NRXN1: variants seen among roughly 807,000 people sequenced by gnomAD.
The protein encoded by NRXN1 is neurexin 1, also known as neurexin-1.
A neutral mutation model predicts 150.9 loss-of-function variants in NRXN1; 39 were observed. The ratio of observed to expected loss-of-function variants is 0.26; its 90% CI spans 0.20 to 0.34. The LOEUF (loss-of-function observed/expected upper bound fraction) is 0.34, where lower values mean the gene tolerates loss of function less well. Ranked by LOEUF, NRXN1 falls within the 10% of genes least tolerant of loss-of-function variation. The pLI is 1.00. For synonymous variants in NRXN1, 924 were observed against 757.0 expected (o/e 1.22, Z -3.62); for missense variants, 1,815 against 1,949.9 (o/e 0.93, Z 1.30).
At chr2:50,113,616 A>G (rs1274510876) in intron 18 of NRXN1, among the ~76,000 whole-genome samples, 1 of 152,228 alleles carries the variant, frequency 6.6e-6, no homozygotes, top group Non-Finnish European at 1.5e-5. Flanking sequence ...TGATCTATCT[A>G]CAACCCCTTC....
At chr2:50,474,839 C>CCCCCAAAAAAAAAA (rs1558795095) in intron 15 of NRXN1, among the ~76,000 whole-genome samples, 1 of 108,854 alleles carries the variant, frequency 9.2e-6, no homozygotes, top group Non-Finnish European at 1.8e-5. Context: ...GCCCCCCTAC[C>CCCCCAAAAAAAAAA]AAAAAAAAAA....
intron 5 of NRXN1, among the ~76,000 whole-genome samples, chr2:50,670,285 T>G (rs918413540): frequency 6.6e-6 from 1 of 151,856 alleles, no homozygotes. Flanking sequence ...AACAAAGTAA[T>G]CATTTATCAT....
intron 17 of NRXN1, among the ~76,000 whole-genome samples, chr2:50,411,522 G>T (rs1448480288): frequency 2.7e-5 from 4 of 150,728 alleles, no homozygotes; most frequent in Non-Finnish European, 5.9e-5. Flanking sequence ...CTGCCCCACC[G>T]CCCTGTCTGA....
At chr2:50,533,699 G>A (rs559493937) in intron 10 of NRXN1, among the ~76,000 whole-genome samples, 1 of 152,164 alleles carries the variant, frequency 6.6e-6, no homozygotes, top group African/African-American at 2.4e-5. Flanking sequence ...CCATCTCTCT[G>A]GCCTCAGCTT....
intron 17 of NRXN1, among the ~76,000 whole-genome samples, chr2:50,435,470 A>C (rs183470153): frequency 6.6e-6 from 1 of 152,324 alleles, no homozygotes; most frequent in Admixed American, 6.5e-5. Context: ...AAATGTAAAG[A>C]AACTTAAACA....
At chr2:50,398,654 CTG>C (rs1362771729) in intron 17 of NRXN1, among the ~76,000 whole-genome samples, 5 of 152,152 alleles carry the variant, frequency 3.3e-5, no homozygotes, top group Non-Finnish European at 7.4e-5. Flanking sequence ...AGTCCAAAAA[CTG>C]TTTCCATTTG....
intron 5 of NRXN1, among the ~76,000 whole-genome samples, chr2:50,690,857 C>T (rs974264669): frequency 5.3e-5 from 8 of 152,188 alleles, no homozygotes; most frequent in African/African-American, 1.2e-4. Context: ...ACTCCCCTCC[C>T]GGTTCTTTTC....
intron 17 of NRXN1, among the ~76,000 whole-genome samples, chr2:50,327,396 G>A (rs541565946): frequency 3.3e-5 from 5 of 152,274 alleles, no homozygotes; most frequent in South Asian, 4.1e-4. Flanking sequence ...TGACTAAGAC[G>A]TAGCTTGAGA....
intron 22 of NRXN1, among the ~76,000 whole-genome samples, chr2:49,931,574 G>T (rs2104198052): frequency 6.6e-6 from 1 of 151,938 alleles, no homozygotes; most frequent in African/African-American, 2.4e-5. Flanking sequence ...CAGTCCTGTT[G>T]CTATTGGAAT....
At chr2:50,364,575 T>G (rs979349815) in intron 17 of NRXN1, among the ~76,000 whole-genome samples, 1 of 151,656 alleles carries the variant, frequency 6.6e-6, no homozygotes, top group Non-Finnish European at 1.5e-5. Flanking sequence ...GCTTCTCTCC[T>G]GTATAATCAC....
intron 18 of NRXN1, among the ~76,000 whole-genome samples, chr2:50,204,021 C>T (rs1376951265): frequency 6.6e-6 from 1 of 152,070 alleles, no homozygotes; most frequent in African/African-American, 2.4e-5. Flanking sequence ...ATTCAACTTT[C>T]TATGTATACA....
At chr2:49,936,480 T>A (rs1671046628) in intron 22 of NRXN1, among the ~76,000 whole-genome samples, 2 of 152,184 alleles carry the variant, frequency 1.3e-5, no homozygotes, top group African/African-American at 2.4e-5. Context: ...CCAAGCATTG[T>A]GTATGAATCC....
chr2:50,724,397 C>T (rs1054235798), intron 5 of NRXN1, among the ~76,000 whole-genome samples: 1 of 152,006 alleles, frequency 6.6e-6, no homozygotes, highest in Admixed American at 6.6e-5. Context: ...CTTATATTCC[C>T]TTATTGATAT....
intron 19 of NRXN1, among the ~76,000 whole-genome samples, chr2:50,059,643 G>A (rs904758263): frequency 6.6e-6 from 1 of 152,190 alleles, no homozygotes; most frequent in Non-Finnish European, 1.5e-5. Flanking sequence ...AAGCCAGGAG[G>A]CCTAGGAGGA....
chr2:50,856,398 T>C (rs567351004), intron 5 of NRXN1, among the ~76,000 whole-genome samples: 2 of 152,164 alleles, frequency 1.3e-5, no homozygotes, highest in Non-Finnish European at 2.9e-5. Context: ...TGTAAATTTA[T>C]GTGCAGGCAC....
At chr2:50,514,115 T>G (rs1040045939) in intron 12 of NRXN1, among the ~76,000 whole-genome samples, 2 of 152,180 alleles carry the variant, frequency 1.3e-5, no homozygotes, top group Non-Finnish European at 2.9e-5. Flanking sequence ...CAGTGGTTAA[T>G]CTGACTTACT....
At chr2:50,835,531 A>C (rs1671990867) in intron 5 of NRXN1, among the ~76,000 whole-genome samples, 1 of 152,308 alleles carries the variant, frequency 6.6e-6, no homozygotes, top group East Asian at 1.9e-4. Context: ...TGAGTTTAAA[A>C]ATGCAAATGT....
rs180763471 is a variant in NRXN1 at position 50,567,160 on chromosome 2, A to G, written c.1321-14135T>C. 2.0e-5 allele frequency among the ~76,000 whole-genome samples: 3 copies of G among 152,302 alleles called. No homozygotes were observed. The East Asian group carries it at 5.8e-4, about 29-fold the overall frequency. ...GACCAAATTACCAGACTACATTTTA[A>G]GAAGGTACAAACGTTGTTTTGAATG... On this transcript the variant is annotated intron_variant, in intron 8 of 22. Transcript: ENST00000401669.
At chr2:49,922,360 G>T (rs1668369640) in intron 22 of NRXN1, 109 bp from the exon 23 acceptor site, 2 of 1,132,504 alleles carry the variant, frequency 1.8e-6, no homozygotes, top group Non-Finnish European at 1.3e-6. Context: ...TATGCTTTAG[G>T]AAAGGTATGC....
Sources: allele counts gnomAD v4.1 joint callset (sites outside exome capture counted in the v4.1 genomes callset), GRCh38; gene constraint gnomAD v4.1.1; transcripts MANE v1.5; gene names NCBI Gene and HGNC (gene_info 2026-07-23, HGNC 2026-07-21).